The following C1orf94 variants were observed in gnomAD, a reference collection of about 807,000 sequenced individuals.
The protein encoded by C1orf94 is chromosome 1 open reading frame 94, also known as uncharacterized protein C1orf94.
C1orf94 carries 45 observed loss-of-function variants against 53.6 expected under a neutral mutation model. The ratio of observed to expected loss-of-function variants is 0.84; its 90% CI spans 0.66 to 1.08. The LOEUF (loss-of-function observed/expected upper bound fraction) is 1.08, where lower values mean the gene tolerates loss of function less well. Among genes scored for constraint, C1orf94 ranks in the 50% least tolerant of loss-of-function variants. C1orf94 has a pLI of 0.00. For missense variants in C1orf94, 762 were observed against 738.9 expected, an observed-to-expected ratio of 1.03 and a Z score of -0.36; for synonymous variants, 304 against 296.1, an observed-to-expected ratio of 1.03 and a Z score of -0.27.
At chr1:34,180,783 G>T (rs1488536776) in intron 1 of C1orf94, among the ~76,000 whole-genome samples, 1 of 152,216 alleles carries the variant, frequency 6.6e-6, no homozygotes, top group African/African-American at 2.4e-5. Flanking sequence ...TGTAGACCTG[G>T]TTTTGGTGGT....
At chr1:34,169,103 G>T (rs1295401589) in intron 1 of C1orf94, among the ~76,000 whole-genome samples, 1 of 145,050 alleles carries the variant, frequency 6.9e-6, no homozygotes, top group Non-Finnish European at 1.5e-5. Context: ...AAGTGATGTG[G>T]CCTGACATAT....
At position 34,202,969 on chromosome 1, in the gene C1orf94, CGTT is replaced by C. The variant is rs1476805698; in HGVS notation, c.1446+714_1446+716del. On this transcript the variant is annotated intron_variant, in intron 4 of 6. Coordinates refer to ENST00000488417, the MANE Select transcript of C1orf94 (RefSeq NM_001134734.2). ...ACTATTTACATAGTACATTATTAGG[CGTT>C]GTTAGTAATCTAGAGATTAAAGGAT... Among the ~76,000 whole-genome samples, 5 of 152,094 alleles carry C rather than the reference CGTT, an allele frequency of 3.3e-5. No homozygotes were observed. In the East Asian group the frequency reaches 5.8e-4, roughly 18 times the overall value.
intron 6 of C1orf94, among the ~76,000 whole-genome samples, chr1:34,213,955 TGG>T (rs886188073): frequency 3.9e-5 from 6 of 152,148 alleles, no homozygotes; most frequent in Admixed American, 1.3e-4. Flanking sequence ...GAGTATATCA[TGG>T]TGTGTTCTAC....
intron 6 of C1orf94, among the ~76,000 whole-genome samples, chr1:34,213,341 G>C (rs1259906164): frequency 1.3e-5 from 2 of 152,180 alleles, no homozygotes; most frequent in East Asian, 3.8e-4. Flanking sequence ...CAAATAGCTT[G>C]TTGAAAGGGA....
At chr1:34,172,672 G>A (rs777257394), upstream of C1orf94, among the ~76,000 whole-genome samples, 18 of 152,208 alleles carry the variant, frequency 1.2e-4, no homozygotes, top group African/African-American at 2.9e-4. Context: ...AGAGATCACC[G>A]ATGGTGTTGC....
intron 1 of C1orf94, among the ~76,000 whole-genome samples, chr1:34,185,783 G>C (rs1002723754): frequency 6.6e-6 from 1 of 152,226 alleles, no homozygotes; most frequent in East Asian, 1.9e-4. Context: ...GCACTGCTCA[G>C]ACATCTCTCA....
intron 4 of C1orf94, among the ~76,000 whole-genome samples, chr1:34,206,115 T>C (rs1436081485): frequency 6.6e-6 from 1 of 152,128 alleles, no homozygotes; most frequent in Non-Finnish European, 1.5e-5. Context: ...CCACAGAGCC[T>C]AGGGCAGCCT....
upstream of C1orf94, among the ~76,000 whole-genome samples, chr1:34,176,906 C>T (rs1642233883): frequency 6.6e-6 from 1 of 152,158 alleles, no homozygotes; most frequent in African/African-American, 2.4e-5. Context: ...CAGGGCGCCC[C>T]GCGCACCGAG....
intron 1 of C1orf94, among the ~76,000 whole-genome samples, chr1:34,182,268 G>A (rs764309815): frequency 9.2e-5 from 14 of 152,174 alleles, no homozygotes; most frequent in South Asian, 4.1e-4. Context: ...ACAGCGAGAC[G>A]GGAGAGTCAG....
Position 34,181,861 on chromosome 1 carries a change from G to A in C1orf94, c.320+3752G>A, listed in dbSNP as rs1441228328. 2.0e-5 allele frequency among the ~76,000 whole-genome samples: 3 copies of A among 152,192 alleles called. No individual in the cohort carries two copies. In the East Asian group the frequency reaches 5.8e-4, roughly 29 times the overall value. On this transcript the variant is annotated intron_variant, in intron 1 of 6. Transcript: ENST00000488417. ...GCTGAGACCTGGGTTCTAAGAAGGA[G>A]CCAGTCAAGGGAAGTTCTGGAAAGA...
intron 5 of C1orf94, among the ~76,000 whole-genome samples, chr1:34,209,734 C>T (rs899744219): frequency 3.3e-5 from 5 of 152,142 alleles, no homozygotes; most frequent in African/African-American, 1.2e-4. Context: ...CCCTTGCATC[C>T]TGAGATGAAT....
At chr1:34,198,167 A>AAATAGGCGCCATGTAGT (rs1321572462) in intron 2 of C1orf94, among the ~76,000 whole-genome samples, 6 of 152,182 alleles carry the variant, frequency 3.9e-5, no homozygotes, top group Non-Finnish European at 7.4e-5. Flanking sequence ...TTGAGAAGAG[A>AAATAGGCGCCATGTAGT]AATAGGCGCC....
In C1orf94 at chr1:34,213,322, T is replaced by C. The variant is rs1571351943; in HGVS notation, c.1721+916T>C. Reference sequence around the variant, plus strand: ...CCCAAACTCTCATCCTTTCAATCAGTATTTTCTCCAAATAGCTTGTTGAAA... The same window carrying C: ...CCCAAACTCTCATCCTTTCAATCAGCATTTTCTCCAAATAGCTTGTTGAAA... On this transcript the variant is annotated intron_variant, in intron 6 of 6. Transcript: ENST00000488417. Among the ~76,000 whole-genome samples the C allele has an allele frequency of 2.6e-5, 4 of 152,204 alleles. No homozygotes were observed. The East Asian group carries it at 7.7e-4, about 29-fold the overall frequency.
intron 1 of C1orf94, among the ~76,000 whole-genome samples, chr1:34,189,765 T>G (rs1642452779): frequency 6.6e-6 from 1 of 152,174 alleles, no homozygotes; most frequent in Non-Finnish European, 1.5e-5. Flanking sequence ...GCTGGACAGC[T>G]GCCTGTCCAC....
At chr1:34,184,718 G>A (rs1642359827) in intron 1 of C1orf94, among the ~76,000 whole-genome samples, 1 of 152,156 alleles carries the variant, frequency 6.6e-6, no homozygotes, top group African/African-American at 2.4e-5. Context: ...CGGCTTCCTT[G>A]CTTGAATGGC....
rs1336220566 is a variant in C1orf94, at chr1:34,218,723, C to T, written c.1759C>T (p.Pro587Ser). The change falls in exon 7 of 7, where the codon CCC becomes TCC. Residue 587 changes from proline (P) to serine (S), a missense_variant. Transcript: ENST00000488417. ...ATCCGGAGGGCCCTTGATGCACAGCCCCTATTTTTCTTCCAGTGGGAATGG... is the reference window on the plus strand; with the variant it reads ...ATCCGGAGGGCCCTTGATGCACAGCTCCTATTTTTCTTCCAGTGGGAATGG... Reference protein sequence around the residue: ...STSGGPLMHSPYFSSSGNGIN... With the variant: ...STSGGPLMHSSYFSSSGNGIN... 2 of 1,612,720 alleles carry T rather than the reference C, an allele frequency of 1.2e-6. No individual in the cohort carries two copies. The highest frequency in any genetic ancestry group is 1.7e-5 in the Admixed American group (1 of 59,980).
intron 1 of C1orf94, among the ~76,000 whole-genome samples, chr1:34,178,531 C>T (rs1305260270): frequency 6.6e-6 from 1 of 152,192 alleles, no homozygotes; most frequent in African/African-American, 2.4e-5. Flanking sequence ...TCTGGAATTC[C>T]CTAATACAGG....
intron 4 of C1orf94, among the ~76,000 whole-genome samples, chr1:34,207,262 GGT>G (rs58794132): frequency 0.19 from 27,349 of 147,170 alleles, 2,583 homozygotes; most frequent in Non-Finnish European, 0.21. Context: ...AGTTCTGCGG[GGT>G]GTGTGTGTGT....
chr1:34,209,202 T>G (rs1642850380), intron 5 of C1orf94, among the ~76,000 whole-genome samples: 1 of 151,828 alleles, frequency 6.6e-6, no homozygotes, highest in Non-Finnish European at 1.5e-5. Flanking sequence ...AGGCTGGTAC[T>G]CCAATGACCA....
Sources: gnomAD v4.1 joint callset for allele counts (sites outside exome capture counted in the v4.1 genomes callset) on GRCh38, gnomAD v4.1.1 for gene constraint, MANE v1.5 for transcripts, NCBI Gene and HGNC (gene_info 2026-07-23, HGNC 2026-07-21) for gene names.